Variants in AK8 observed in about 807,000 individuals in gnomAD.
The protein encoded by AK8 is ATP-AMP transphosphorylase 8.
A neutral mutation model predicts 54.6 loss-of-function variants in AK8; 44 were observed. The ratio of observed to expected loss-of-function variants is 0.81; its 90% CI spans 0.63 to 1.04. The LOEUF is 1.04. Among genes scored for constraint, AK8 ranks in the 50% least tolerant of loss-of-function variants. AK8 has a pLI of 0.00. For synonymous variants in AK8, 239 were observed against 245.6 expected (o/e 0.97, Z 0.25); for missense variants, 555 against 613.6 (o/e 0.90, Z 1.01).
intron 11 of AK8, among the ~76,000 whole-genome samples, chr9:132,762,779 C>T (rs1178200518): frequency 6.6e-6 from 1 of 151,990 alleles, no homozygotes; most frequent in Non-Finnish European, 1.5e-5. Context: ...TGGTGCATGT[C>T]TGTAATTCCA....
intron 5 of AK8, 66 bp downstream of exon 5, chr9:132,854,791 T>C: frequency 6.4e-7 from 1 of 1,558,550 alleles, no homozygotes; most frequent in Non-Finnish European, 8.8e-7. Context: ...GTCTTGGAGA[T>C]GAACACACGC....
intron 5 of AK8, among the ~76,000 whole-genome samples, chr9:132,845,580 C>G (rs570371992): frequency 1.3e-5 from 2 of 152,194 alleles, no homozygotes; most frequent in East Asian, 1.9e-4. Context: ...ACTTGGAAGT[C>G]AGGAGTTTGA....
At chr9:132,873,879 G>A (rs1397812446) in intron 2 of AK8, among the ~76,000 whole-genome samples, 5 of 152,102 alleles carry the variant, frequency 3.3e-5, no homozygotes, top group Non-Finnish European at 7.4e-5. Flanking sequence ...ATGAATCTGG[G>A]GAGACAAAAC....
chr9:132,773,172 C>T (rs149145463), intron 11 of AK8, among the ~76,000 whole-genome samples: 33 of 152,318 alleles, frequency 2.2e-4, no homozygotes, highest in African/African-American at 7.9e-4. Context: ...TGATGTTGCT[C>T]AGAGTTGCCA....
chr9:132,853,430 A>C (rs1588215587), intron 5 of AK8, among the ~76,000 whole-genome samples: 1 of 152,182 alleles, frequency 6.6e-6, no homozygotes, highest in East Asian at 1.9e-4. Flanking sequence ...AAGTAGTCAG[A>C]GAAAAAAATG....
chr9:132,771,316 C>T (rs988803021), intron 11 of AK8, among the ~76,000 whole-genome samples: 5 of 152,178 alleles, frequency 3.3e-5, no homozygotes, highest in Non-Finnish European at 7.3e-5. Flanking sequence ...AGTGCTATGG[C>T]AGATGGTGGT....
chr9:132,764,075 T>C (rs1190017423), intron 11 of AK8, among the ~76,000 whole-genome samples: 1 of 152,052 alleles, frequency 6.6e-6, no homozygotes, highest in Non-Finnish European at 1.5e-5. Context: ...GAGGCCAAGG[T>C]GGGTGGGTTG....
intron 11 of AK8, 119 bp downstream of exon 11, chr9:132,792,513 GGA>G: frequency 7.4e-7 from 1 of 1,357,848 alleles, no homozygotes; most frequent in Non-Finnish European, 9.8e-7. Context: ...GGGATGACCA[GGA>G]GACATTCCAC....
Position 132,878,226 on chromosome 9 carries a change from G to A in AK8, c.30C>T (p.Ile10=), listed in dbSNP as rs762566734. Reference sequence around the variant, plus strand: ...CCCCGTACTGGGGCATCTCGGGGGGGATACGGTGCGGGGCGATAGTGGCGT... The same window carrying A: ...CCCCGTACTGGGGCATCTCGGGGGGAATACGGTGCGGGGCGATAGTGGCGT... The part of the protein sequence containing the change: MDATIAPHR[I]PPEMPQYGEE... The change falls in exon 1 of 13, where the codon ATC becomes ATT. Residue 10 remains isoleucine (I), a synonymous_variant. Coordinates refer to ENST00000298545, the MANE Select transcript of AK8 (RefSeq NM_152572.3). This position sits in a 1 kb window ranked among gnomAD's most constrained non-coding sequence, Gnocchi z 4.7. 5.5e-6 allele frequency: 8 copies of A among 1,456,394 alleles called. No homozygotes were observed. Among genetic ancestry groups the A allele is most frequent in the South Asian group, 3.0e-5 (2 of 66,242 alleles). The allele number at this position is 1,456,394 out of a possible 1,614,324, so 90.2% of individuals were successfully genotyped here.
chr9:132,756,589 G>A (rs576709590), intron 11 of AK8, among the ~76,000 whole-genome samples: 2 of 152,146 alleles, frequency 1.3e-5, no homozygotes, highest in Admixed American at 6.5e-5. Flanking sequence ...GCCACACTCC[G>A]AAGTGCGAAC....
At chr9:132,866,006 T>C (rs1326621301) in intron 3 of AK8, among the ~76,000 whole-genome samples, 6 of 151,940 alleles carry the variant, frequency 3.9e-5, no homozygotes, top group South Asian at 2.1e-4. Context: ...AATACCAGCC[T>C]GGACGACATG....
chr9:132,764,787 CA>C (rs1838646475), intron 11 of AK8, among the ~76,000 whole-genome samples: 2 of 152,154 alleles, frequency 1.3e-5, no homozygotes, highest in African/African-American at 4.8e-5. Context: ...CCTTTTGCAC[CA>C]ACCTAATACC....
At chr9:132,745,162 G>T (rs918717493) in intron 11 of AK8, among the ~76,000 whole-genome samples, 1 of 152,196 alleles carries the variant, frequency 6.6e-6, no homozygotes, top group Non-Finnish European at 1.5e-5. Context: ...AGCGAGATAC[G>T]CTTTACGGTG....
rs529250925 is a variant in AK8, at chr9:132,834,434, T to C, written c.403-5708A>G. 3.5e-4 allele frequency among the ~76,000 whole-genome samples: 53 copies of C among 152,334 alleles called. 1 individual carries two copies. In the South Asian group the frequency reaches 0.011, roughly 31 times the overall value. ...GTCCATATTCAACTCACCTGAAAGA[T>C]GACTAGCAAGAATTTTTATCTCAAA... On this transcript the variant is annotated intron_variant, in intron 5 of 12. Transcript: ENST00000298545.
chr9:132,789,360 G>A (rs1270722951), intron 11 of AK8, among the ~76,000 whole-genome samples: 1 of 151,814 alleles, frequency 6.6e-6, no homozygotes, highest in Non-Finnish European at 1.5e-5. Context: ...CACTTTGGGA[G>A]GCTGAGATGG....
intron 5 of AK8, among the ~76,000 whole-genome samples, chr9:132,852,225 G>C (rs1842994102): frequency 6.6e-6 from 1 of 152,234 alleles, no homozygotes; most frequent in East Asian, 1.9e-4. Context: ...TGTAATCTCA[G>C]CACTTTGGGA....
chr9:132,812,530 T>TGCCCACTGTGATGACGGGTGAGCCGCCGC (rs1841083289), intron 10 of AK8, among the ~76,000 whole-genome samples: 1 of 130,644 alleles, frequency 7.7e-6, no homozygotes. Context: ...TGAGCTACCG[T>TGCCCACTGTGATGACGGGTGAGCCGCCGC]GCCCACTGGG....
intron 10 of AK8, among the ~76,000 whole-genome samples, chr9:132,802,895 G>A (rs916628573): frequency 6.6e-6 from 1 of 152,128 alleles, no homozygotes; most frequent in Non-Finnish European, 1.5e-5. Context: ...CCATTAAATT[G>A]GGGGGTAGCT....
chr9:132,740,370 T>C (rs1273265572), intron 11 of AK8, among the ~76,000 whole-genome samples: 3 of 152,218 alleles, frequency 2.0e-5, no homozygotes, highest in African/African-American at 7.2e-5. Context: ...CAAGGTTATT[T>C]GGCTAAAAAG....
Sources: gnomAD v4.1 joint callset for allele counts (sites outside exome capture counted in the v4.1 genomes callset) on GRCh38, gnomAD v4.1.1 for gene constraint, Gnocchi (gnomAD v3.1) non-coding constraint, MANE v1.5 for transcripts, NCBI Gene and HGNC (gene_info 2026-07-23, HGNC 2026-07-21) for gene names.